The following NRG3 variants were observed in gnomAD, a reference collection of about 807,000 sequenced individuals.
The protein encoded by NRG3 is neuregulin 3, also known as pro-neuregulin-3, membrane-bound isoform.
A neutral mutation model predicts 66.9 loss-of-function variants in NRG3; 31 were observed. The ratio of observed to expected loss-of-function variants is 0.46; its 90% CI spans 0.35 to 0.63. The LOEUF (loss-of-function observed/expected upper bound fraction) is 0.63, where lower values mean the gene tolerates loss of function less well. Among genes scored for constraint, NRG3 ranks in the 20% least tolerant of loss-of-function variants. NRG3 has a pLI of 0.00. For missense variants in NRG3, 910 were observed against 878.9 expected (o/e 1.04, Z -0.45); for synonymous variants, 393 against 359.4 (o/e 1.09, Z -1.06).
chr10:82,766,046 T>G (rs1039364295), intron 3 of NRG3, among the ~76,000 whole-genome samples: 1 of 152,182 alleles, frequency 6.6e-6, no homozygotes, highest in African/African-American at 2.4e-5. Context: ...GAACAAAATC[T>G]CTTTTTAAAT....
intron 2 of NRG3, among the ~76,000 whole-genome samples, chr10:82,628,979 T>C (rs2049618927): frequency 6.6e-6 from 1 of 152,228 alleles, no homozygotes; most frequent in Non-Finnish European, 1.5e-5. Context: ...GTCTTGCTGC[T>C]GTCTTCCCAT....
intron 2 of NRG3, among the ~76,000 whole-genome samples, chr10:82,653,995 A>C (rs2133911176): frequency 6.6e-6 from 1 of 152,310 alleles, no homozygotes; most frequent in South Asian, 2.1e-4. Context: ...GTGGCAGCCA[A>C]AATTTGTAGC....
intron 1 of NRG3, among the ~76,000 whole-genome samples, chr10:82,119,398 A>G (rs1217456925): frequency 1.3e-5 from 2 of 152,164 alleles, no homozygotes; most frequent in African/African-American, 4.8e-5. Context: ...TTATAAAATG[A>G]TGGAAGGTTT....
At chr10:82,584,455 A>G (rs1218646461) in intron 2 of NRG3, among the ~76,000 whole-genome samples, 5 of 152,324 alleles carry the variant, frequency 3.3e-5, no homozygotes, top group Non-Finnish European at 7.3e-5. Flanking sequence ...TTCAGCCAGA[A>G]AAGCTAACGC....
intron 3 of NRG3, among the ~76,000 whole-genome samples, chr10:82,833,403 CCCACTGACAGATG>C (rs1050136552): frequency 6.6e-6 from 1 of 152,152 alleles, no homozygotes; most frequent in African/African-American, 2.4e-5. Flanking sequence ...GGTACTGTTT[CCCACTGACAGATG>C]CCACTGACTT....
intron 2 of NRG3, among the ~76,000 whole-genome samples, chr10:82,676,192 C>A (rs1178898939): frequency 6.6e-6 from 1 of 152,094 alleles, no homozygotes; most frequent in Non-Finnish European, 1.5e-5. Flanking sequence ...AAAGTCCCAG[C>A]CCTTCTGTTC....
chr10:82,621,621 T>C (rs948789379), intron 2 of NRG3, among the ~76,000 whole-genome samples: 3 of 152,204 alleles, frequency 2.0e-5, no homozygotes, highest in African/African-American at 7.2e-5. Context: ...TTGATTTAAC[T>C]TGAAATAGTT....
intron 1 of NRG3, among the ~76,000 whole-genome samples, chr10:82,298,776 A>G (rs2080224080): frequency 6.6e-6 from 1 of 152,168 alleles, no homozygotes; most frequent in Non-Finnish European, 1.5e-5. Context: ...TATGGCAGCA[A>G]GGGCCACTCT....
At chr10:82,273,812 G>A (rs56231267) in intron 1 of NRG3, among the ~76,000 whole-genome samples, 2,056 of 152,088 alleles carry the variant, frequency 0.014, 32 homozygotes, top group Non-Finnish European at 0.02. Context: ...AATGCCACAA[G>A]TTGTTTTTTT....
intron 1 of NRG3, among the ~76,000 whole-genome samples, chr10:81,996,096 G>A (rs2060929192): frequency 6.6e-6 from 1 of 152,144 alleles, no homozygotes; most frequent in African/African-American, 2.4e-5. Flanking sequence ...ATCTGTCTGA[G>A]TATTAACATG....
chr10:82,306,392 A>G (rs1181628167), intron 1 of NRG3, among the ~76,000 whole-genome samples: 1 of 152,100 alleles, frequency 6.6e-6, no homozygotes, highest in East Asian at 1.9e-4. Flanking sequence ...GAATAATATG[A>G]TAATCTACTT....
intron 2 of NRG3, among the ~76,000 whole-genome samples, chr10:82,384,553 G>A (rs184653657): frequency 4.6e-5 from 7 of 152,160 alleles, no homozygotes; most frequent in East Asian, 1.9e-4. Flanking sequence ...TTCTGCATTC[G>A]TCTGCTAAGG....
chr10:82,922,541 A>C (rs1846538497), intron 4 of NRG3, among the ~76,000 whole-genome samples: 1 of 152,152 alleles, frequency 6.6e-6, no homozygotes, highest in African/African-American at 2.4e-5. Context: ...TCTAGGACCC[A>C]CCCTCATCTT....
At chr10:82,141,498 T>C (rs2069782304) in intron 1 of NRG3, among the ~76,000 whole-genome samples, 1 of 152,176 alleles carries the variant, frequency 6.6e-6, no homozygotes, top group Non-Finnish European at 1.5e-5. Flanking sequence ...CTGCTGATCA[T>C]GTCTTTCCCC....
At chr10:82,490,114 C>T (rs145190272) in intron 2 of NRG3, among the ~76,000 whole-genome samples, 39 of 152,248 alleles carry the variant, frequency 2.6e-4, no homozygotes, top group African/African-American at 9.1e-4. Flanking sequence ...GTTAATATAT[C>T]GTTAATCCTT....
chr10:82,268,326 T>C (rs1313232232), intron 1 of NRG3, among the ~76,000 whole-genome samples: 1 of 152,138 alleles, frequency 6.6e-6, no homozygotes, highest in African/African-American at 2.4e-5. Context: ...ATTGCTTGTA[T>C]CAAATGGAAC....
intron 3 of NRG3, among the ~76,000 whole-genome samples, chr10:82,761,754 A>T (rs2059311082): frequency 6.6e-6 from 1 of 151,858 alleles, no homozygotes; most frequent in Non-Finnish European, 1.5e-5. Flanking sequence ...TTAGAAAGCA[A>T]GGAAAAACAT....
chr10:82,079,212 T>G (rs982873456), intron 1 of NRG3, among the ~76,000 whole-genome samples: 3 of 152,008 alleles, frequency 2.0e-5, no homozygotes, highest in African/African-American at 7.2e-5. Flanking sequence ...GCCCAGCTAA[T>G]TTTTCTATTT....
intron 1 of NRG3, among the ~76,000 whole-genome samples, chr10:82,356,085 T>G (rs2083762171): frequency 6.6e-6 from 1 of 152,188 alleles, no homozygotes; most frequent in African/African-American, 2.4e-5. Context: ...GCAGAGCCAT[T>G]GACTTGGGTC....
Sources: allele counts gnomAD v4.1 joint callset (sites outside exome capture counted in the v4.1 genomes callset), GRCh38; gene constraint gnomAD v4.1.1; transcripts MANE v1.5; gene names NCBI Gene and HGNC (gene_info 2026-07-23, HGNC 2026-07-21).